RFX8: variants seen among roughly 807,000 people sequenced by gnomAD.
RFX8 encodes DNA-binding protein RFX8.
A neutral mutation model predicts 54.6 loss-of-function variants in RFX8; 46 were observed. The observed-to-expected ratio is 0.84, with a 90% CI of 0.67 to 1.08. RFX8 has a LOEUF of 1.08. Among genes scored for constraint, RFX8 ranks in the 50% least tolerant of loss-of-function variants. The pLI, the probability that RFX8 is intolerant of heterozygous loss-of-function variation, is 0.00. For missense variants in RFX8, 536 were observed against 562.3 expected (o/e 0.95, Z 0.47); for synonymous variants, 192 against 209.5 (o/e 0.92, Z 0.72).
intron 7 of RFX8, 127 bp from the exon 8 acceptor site, chr2:101,413,198 T>TA: frequency 1.4e-6 from 1 of 710,370 alleles, no homozygotes; most frequent in Non-Finnish European, 2.4e-6. Context: ...TATTACCCAT[T>TA]AAAAATGAAT....
chr2:101,432,074 C>T (rs918445740), intron 2 of RFX8, among the ~76,000 whole-genome samples: 3 of 152,120 alleles, frequency 2.0e-5, no homozygotes, highest in Non-Finnish European at 2.9e-5. Flanking sequence ...CCCATCTCTA[C>T]CTGGCCGGAC....
intron 5 of RFX8, 96 bp from the exon 6 acceptor site, chr2:101,417,780 T>A (rs1240232629): frequency 1.9e-6 from 2 of 1,038,442 alleles, no homozygotes; most frequent in African/African-American, 3.3e-5. Context: ...TCTCAAGAAG[T>A]CTGAGAGCGG....
At chr2:101,408,664 A>G (rs1464358274) in intron 9 of RFX8, among the ~76,000 whole-genome samples, 1 of 152,204 alleles carries the variant, frequency 6.6e-6, no homozygotes, top group African/African-American at 2.4e-5. Flanking sequence ...AGCTTTGCCT[A>G]AGATCAACAG....
At chr2:101,443,613 G>T (rs1182666488) in intron 2 of RFX8, among the ~76,000 whole-genome samples, 4 of 152,140 alleles carry the variant, frequency 2.6e-5, no homozygotes, top group Non-Finnish European at 5.9e-5. Context: ...GAAAGAAGAA[G>T]GTAGACTGGG....
chr2:101,458,698 C>T (rs1219927473), intron 2 of RFX8, among the ~76,000 whole-genome samples: 2 of 152,092 alleles, frequency 1.3e-5, no homozygotes, highest in Admixed American at 1.3e-4. Flanking sequence ...TTGGGTTGCT[C>T]TTTTTGAGAA....
intron 2 of RFX8, among the ~76,000 whole-genome samples, chr2:101,441,948 T>C (rs935856507): frequency 4.6e-5 from 7 of 152,218 alleles, no homozygotes; most frequent in Admixed American, 2.6e-4. Flanking sequence ...TTATTACTTG[T>C]TTTCTATTTG....
At chr2:101,445,734 G>A (rs554934107) in intron 2 of RFX8, among the ~76,000 whole-genome samples, 5 of 151,928 alleles carry the variant, frequency 3.3e-5, no homozygotes, top group Non-Finnish European at 7.4e-5. Flanking sequence ...CTGGTCTATT[G>A]TCCTTTTTTA....
intron 2 of RFX8, among the ~76,000 whole-genome samples, chr2:101,462,829 G>A (rs6715786): frequency 0.35 from 52,502 of 152,012 alleles, 9,743 homozygotes; most frequent in African/African-American, 0.44. Context: ...CTGCCTGTGT[G>A]TCTGTCTATC....
intron 2 of RFX8, among the ~76,000 whole-genome samples, chr2:101,439,104 C>G (rs13012980): frequency 0.76 from 115,192 of 152,196 alleles, 44,556 homozygotes; most frequent in Middle Eastern, 0.88. Context: ...TGAGCCACCA[C>G]GCCCGGCCTC....
At chr2:101,402,208 C>T (rs1484382911) in intron 11 of RFX8, among the ~76,000 whole-genome samples, 2 of 152,242 alleles carry the variant, frequency 1.3e-5, no homozygotes, top group African/African-American at 4.8e-5. Flanking sequence ...ATCAGATGGT[C>T]ACACTTCTAA....
intron 2 of RFX8, among the ~76,000 whole-genome samples, chr2:101,455,250 C>G (rs1224972336): frequency 6.6e-6 from 1 of 151,970 alleles, no homozygotes. Flanking sequence ...TGACCTCAGA[C>G]GATCCACCCA....
rs371692709 is a variant in RFX8 at position 101,452,587 on chromosome 2, A to G, written c.72+14190T>C. ...AATAAAGAAAATAAATATAATAATA[A>G]AGTAATAAGGTAACAATAAAGAAAA... is the stretch of plus-strand genomic sequence containing the variant. On this transcript the variant is annotated intron_variant, in intron 2 of 11. Transcript: ENST00000428343. 6 of 401,470 alleles carry G rather than the reference A, an allele frequency of 1.5e-5. No homozygotes were observed. In the South Asian group the frequency reaches 4.6e-4, roughly 31 times the overall value. 24.9% of individuals were successfully genotyped at this position (401,470 alleles called of 1,614,324 possible).
intron 6 of RFX8, among the ~76,000 whole-genome samples, chr2:101,416,656 A>C (rs1437484929): frequency 6.6e-6 from 1 of 152,222 alleles, no homozygotes; most frequent in Non-Finnish European, 1.5e-5. Flanking sequence ...CAATGATAGC[A>C]AAACTTCACA....
At chr2:101,421,566 T>C in intron 4 of RFX8, 158 bp downstream of exon 4, 5 of 1,372,312 alleles carry the variant, frequency 3.6e-6, no homozygotes, top group Non-Finnish European at 4.7e-6. Flanking sequence ...ACTCAATGAC[T>C]ACAACATAGG....
chr2:101,405,806 C>CA (rs1685694358), intron 10 of RFX8, 137 bp downstream of exon 10: 1 of 494,414 alleles, frequency 2.0e-6, no homozygotes, highest in Non-Finnish European at 3.5e-6. Context: ...GTATGGTTTG[C>CA]TGTATCTATG....
chr2:101,445,060 G>A (rs184026289), intron 2 of RFX8, among the ~76,000 whole-genome samples: 26 of 152,250 alleles, frequency 1.7e-4, no homozygotes, highest in African/African-American at 6.0e-4. Context: ...TGCTTCTTGG[G>A]AGAATTAAAG....
At position 101,417,693 on chromosome 2, in the gene RFX8, A is replaced by C. The variant is rs772680586; in HGVS notation, c.352-9T>G. The C allele has an allele frequency of 1.3e-6, 2 of 1,543,674 alleles. No individual in the cohort carries two copies. Among genetic ancestry groups the C allele is most frequent in the Non-Finnish European group, 1.7e-6 (2 of 1,143,112 alleles). The stretch of plus-strand genomic sequence containing the variant: ...AGAACATCCTCAATTCCCTACAACA[A>C]AAGTAACAAGACACTATGATTCTGC... On this transcript the variant is annotated splice_polypyrimidine_tract_variant and intron_variant, in intron 5 of 11. Transcript: ENST00000428343.
At chr2:101,474,108 C>T in intron 1 of RFX8, 1 of 524,396 alleles carries the variant, frequency 1.9e-6, no homozygotes, top group Non-Finnish European at 3.3e-6. Flanking sequence ...CCGGCTTTGA[C>T]CCGGCGTCCC....
chr2:101,459,109 G>A (rs1182278880), intron 2 of RFX8, among the ~76,000 whole-genome samples: 3 of 152,076 alleles, frequency 2.0e-5, no homozygotes, highest in South Asian at 2.1e-4. Context: ...TTAGCCATTC[G>A]TCTAACCTTT....
Sources: allele counts gnomAD v4.1 joint callset (sites outside exome capture counted in the v4.1 genomes callset), GRCh38; gene constraint gnomAD v4.1.1; transcripts MANE v1.5; gene names NCBI Gene and HGNC (gene_info 2026-07-23, HGNC 2026-07-21).